Variants in PPP4R3B observed in about 807,000 individuals in gnomAD.
PPP4R3B encodes protein phosphatase 4 regulatory subunit 3B.
A neutral mutation model predicts 95.4 loss-of-function variants in PPP4R3B; 52 were observed. That is an observed-to-expected ratio of 0.54 (90% CI 0.44 to 0.69). The LOEUF is 0.69. Ranked by LOEUF, PPP4R3B falls within the 30% of genes least tolerant of loss-of-function variation. The pLI is 0.00. For missense variants in PPP4R3B, 1,003 were observed against 1,005.9 expected (o/e 1.00, Z 0.04); for synonymous variants, 407 against 343.9 (o/e 1.18, Z -2.03).
rs898395385 is a variant in PPP4R3B, at chr2:55,575,895, T to A, written c.1606+1420A>T. Among the ~76,000 whole-genome samples, 3 of 152,236 alleles carry A rather than the reference T, an allele frequency of 2.0e-5. No homozygotes were observed. In the East Asian group the frequency reaches 5.8e-4, roughly 29 times the overall value. On this transcript the variant is annotated intron_variant, in intron 11 of 16. Coordinates refer to ENST00000616407, the MANE Select transcript of PPP4R3B (RefSeq NM_001122964.3). Reference sequence around the variant, plus strand: ...TATTGGAAATAAATTAGCATTGTAATAACAGAATGACCATCACATATAAAT... The same window carrying A: ...TATTGGAAATAAATTAGCATTGTAAAAACAGAATGACCATCACATATAAAT...
intron 5 of PPP4R3B, among the ~76,000 whole-genome samples, chr2:55,587,203 T>A (rs530578220): frequency 6.6e-6 from 1 of 152,242 alleles, no homozygotes; most frequent in Non-Finnish European, 1.5e-5. Context: ...TCTATTAGTA[T>A]GCAAAAATGC....
At chr2:55,592,885 G>T (rs1206220366) in intron 4 of PPP4R3B, among the ~76,000 whole-genome samples, 1 of 152,166 alleles carries the variant, frequency 6.6e-6, no homozygotes, top group Non-Finnish European at 1.5e-5. Context: ...TTCTGGCTGG[G>T]GGCAGTGGCT....
chr2:55,552,554 T>C (rs1296362037), intron 16 of PPP4R3B, among the ~76,000 whole-genome samples: 2 of 152,148 alleles, frequency 1.3e-5, no homozygotes, highest in Admixed American at 6.5e-5. Context: ...CCACCATGCC[T>C]GGCTAACTTT....
In PPP4R3B at chr2:55,558,915, A is replaced by G. The variant is rs749949369; in HGVS notation, c.2314T>C (p.Phe772Leu). The G allele has an allele frequency of 2.5e-6, 4 of 1,613,730 alleles. No individual in the cohort carries two copies. Among genetic ancestry groups the G allele is most frequent in the African/African-American group, 1.3e-5 (1 of 75,042 alleles). The change falls in exon 16 of 17, where the codon TTC (phenylalanine) becomes CTC (leucine). Residue 772 changes from phenylalanine (F) to leucine (L), a missense_variant. Transcript: ENST00000616407. ...GCAGAGTGGGAGAAAGTAAATTTGA[A>G]GCCACCAGGAGATGTCCTTTTGGGA... is the stretch of plus-strand genomic sequence containing the variant. ...NLPKRTSPGG[F>L]KFTFSHSASA...
chr2:55,602,958 CTCTTTTT>C (rs1243472897), intron 3 of PPP4R3B, among the ~76,000 whole-genome samples: 1 of 146,210 alleles, frequency 6.8e-6, no homozygotes, highest in Non-Finnish European at 1.5e-5. Context: ...AGGACGAATA[CTCTTTTT>C]TTTTTTTTTG....
In PPP4R3B at chr2:55,578,545, T is replaced by C. The variant is rs188518601; in HGVS notation, c.1469-203A>G. On this transcript the variant is annotated intron_variant, in intron 9 of 16. Coordinates refer to ENST00000616407, the MANE Select transcript of PPP4R3B (RefSeq NM_001122964.3). ...GTGCTTTTGTACCCATTCACCTTGA[T>C]ATTTTGGGGAATTATTCAGTTGATA... Among the ~76,000 whole-genome samples the C allele has an allele frequency of 5.9e-5, 9 of 152,196 alleles. No individual in the cohort carries two copies. The East Asian group carries it at 1.5e-3, about 26-fold the overall frequency.
intron 2 of PPP4R3B, among the ~76,000 whole-genome samples, chr2:55,613,406 A>G (rs1169763411): frequency 6.6e-6 from 1 of 151,942 alleles, no homozygotes; most frequent in Non-Finnish European, 1.5e-5. Context: ...CCCAAATAGT[A>G]TATTATTTAA....
Position 55,579,673 on chromosome 2 carries a change from C to T in PPP4R3B, c.1468+6G>A. On this transcript the variant is annotated splice_donor_region_variant and intron_variant, in intron 9 of 16. Coordinates refer to ENST00000616407, the MANE Select transcript of PPP4R3B (RefSeq NM_001122964.3). The stretch of plus-strand genomic sequence containing the variant: ...AAATCACAGCAGATAAATAAAGAGA[C>T]CCTACCCTTTTCACATTTGTCTTCT... 6.4e-7 allele frequency: 1 copy of T among 1,573,944 alleles called. No individual in the cohort carries two copies. The highest frequency in any genetic ancestry group is 8.6e-7 in the Non-Finnish European group (1 of 1,158,428).
At chr2:55,554,505 G>T (rs1179556054) in intron 16 of PPP4R3B, among the ~76,000 whole-genome samples, 1 of 152,150 alleles carries the variant, frequency 6.6e-6, no homozygotes, top group Non-Finnish European at 1.5e-5. Flanking sequence ...CCTTACTAAT[G>T]ATGCTAAACA....
intron 9 of PPP4R3B, among the ~76,000 whole-genome samples, chr2:55,578,842 T>C (rs545261277): frequency 6.6e-6 from 1 of 152,234 alleles, no homozygotes; most frequent in South Asian, 2.1e-4. Context: ...TAGTGGCTAA[T>C]GTTCTATTAT....
At chr2:55,610,796 A>T (rs1310688615) in intron 2 of PPP4R3B, among the ~76,000 whole-genome samples, 1 of 151,730 alleles carries the variant, frequency 6.6e-6, no homozygotes, top group Non-Finnish European at 1.5e-5. Context: ...TCCAAATAAA[A>T]CTGCAATGAG....
intron 4 of PPP4R3B, among the ~76,000 whole-genome samples, chr2:55,591,034 G>A (rs1559016156): frequency 6.6e-6 from 1 of 151,982 alleles, no homozygotes; most frequent in African/African-American, 2.4e-5. Flanking sequence ...GTTTCTTTTC[G>A]TATTTCATTG....
At chr2:55,613,348 T>A (rs1488179151) in intron 2 of PPP4R3B, among the ~76,000 whole-genome samples, 1 of 142,458 alleles carries the variant, frequency 7.0e-6, no homozygotes, top group Non-Finnish European at 1.5e-5. Flanking sequence ...CTGAATGTTA[T>A]GTTGCCAAAA....
At chr2:55,574,523 T>G (rs1332652539) in intron 11 of PPP4R3B, among the ~76,000 whole-genome samples, 1 of 152,086 alleles carries the variant, frequency 6.6e-6, no homozygotes, top group Non-Finnish European at 1.5e-5. Context: ...ATTATACGCT[T>G]TTAGAAAAGA....
In PPP4R3B at chr2:55,598,501, G is replaced by A; in HGVS notation, c.836C>T (p.Thr279Ile). 1 of 1,614,162 alleles carries A rather than the reference G, an allele frequency of 6.2e-7. No individual in the cohort carries two copies. Among genetic ancestry groups the A allele is most frequent in the East Asian group, 2.2e-5 (1 of 44,870 alleles). ...AAAATTCTCTTCAAAAACAGATGGT[G>A]TGGGCAAAATGATGTCCTGAATGTA... ...VQYIQDIILP[T>I]PSVFEENFLS... is the part of the protein sequence containing the mutation. Residue 279 changes from threonine to isoleucine, a missense_variant, in exon 4 of 17, where the codon ACA becomes ATA. Transcript: ENST00000616407.
chr2:55,600,460 GGGCAGGGGTGGTT>G (rs1692407962), intron 3 of PPP4R3B, among the ~76,000 whole-genome samples: 1 of 77,284 alleles, frequency 1.3e-5, no homozygotes, highest in African/African-American at 3.8e-5. Context: ...AAAAAAAGGC[GGGCAGGGGTGGTT>G]AAGAAATAAT....
At chr2:55,550,995 T>C (rs1195178258) in intron 16 of PPP4R3B, among the ~76,000 whole-genome samples, 1 of 152,128 alleles carries the variant, frequency 6.6e-6, no homozygotes, top group Non-Finnish European at 1.5e-5. Context: ...TTGTTAAAAA[T>C]AGGCTAACTG....
intron 2 of PPP4R3B, among the ~76,000 whole-genome samples, chr2:55,608,380 T>C (rs1465498648): frequency 6.6e-6 from 1 of 152,168 alleles, no homozygotes; most frequent in Non-Finnish European, 1.5e-5. Context: ...ATATTTAGAG[T>C]TCTTTTCCAA....
intron 5 of PPP4R3B, among the ~76,000 whole-genome samples, chr2:55,588,265 G>A (rs1443674251): frequency 2.0e-5 from 3 of 152,152 alleles, no homozygotes; most frequent in African/African-American, 2.4e-5. Flanking sequence ...TGTAATCCCA[G>A]CACTTTAGGA....
Sources: gnomAD v4.1 joint callset for allele counts (sites outside exome capture counted in the v4.1 genomes callset) on GRCh38, gnomAD v4.1.1 for gene constraint, MANE v1.5 for transcripts, NCBI Gene and HGNC (gene_info 2026-07-23, HGNC 2026-07-21) for gene names.